KAZN: variants seen among roughly 807,000 people sequenced by gnomAD.
The protein encoded by KAZN is kazrin, periplakin interacting protein.
Under a neutral mutation model 87.4 loss-of-function variants are expected in KAZN, and 40 were observed. The ratio of observed to expected loss-of-function variants is 0.46; its 90% CI spans 0.36 to 0.60. KAZN has a LOEUF of 0.60. Ranked by LOEUF, KAZN falls within the 20% of genes least tolerant of loss-of-function variation. The pLI is 0.00. For synonymous variants in KAZN, 466 were observed against 458.3 expected (o/e 1.02, Z -0.22); for missense variants, 898 against 1,073.9 (o/e 0.84, Z 2.29).
intron 1 of KAZN, among the ~76,000 whole-genome samples, chr1:14,148,446 T>C (rs987300961): frequency 6.6e-6 from 1 of 152,218 alleles, no homozygotes. Flanking sequence ...TTTTTTATTT[T>C]GGTAATAGTA....
At chr1:14,587,665 G>A (rs961077591) in intron 2 of KAZN, among the ~76,000 whole-genome samples, 5 of 151,868 alleles carry the variant, frequency 3.3e-5, no homozygotes, top group Non-Finnish European at 7.4e-5. Flanking sequence ...ACCAGATCTC[G>A]TGTGAACTAA....
chr1:14,247,885 CAT>C (rs1291099166), intron 2 of KAZN, among the ~76,000 whole-genome samples: 1 of 152,010 alleles, frequency 6.6e-6, no homozygotes, highest in East Asian at 1.9e-4. Flanking sequence ...ACATCTGGCT[CAT>C]GTGTGTGGGA....
intron 1 of KAZN, among the ~76,000 whole-genome samples, chr1:13,954,615 C>T (rs1054436375): frequency 5.6e-5 from 6 of 106,366 alleles, no homozygotes; most frequent in East Asian, 2.7e-4. Context: ...AAAGCAGTGC[C>T]GTGCCATGTA....
intron 1 of KAZN, among the ~76,000 whole-genome samples, chr1:14,012,311 A>G (rs1412348652): frequency 1.3e-5 from 2 of 152,362 alleles, no homozygotes; most frequent in Non-Finnish European, 2.9e-5. Context: ...TGTGCAACTT[A>G]TAGCCATTGC....
chr1:14,283,808 G>A (rs1653032545), intron 2 of KAZN, among the ~76,000 whole-genome samples: 2 of 152,100 alleles, frequency 1.3e-5, no homozygotes, highest in African/African-American at 4.8e-5. Context: ...GTATAAAAAT[G>A]TTTATAGCAG....
intron 8 of KAZN, among the ~76,000 whole-genome samples, chr1:15,087,295 CAAT>C (rs1055067671): frequency 2.6e-5 from 4 of 151,274 alleles, no homozygotes; most frequent in Non-Finnish European, 5.9e-5. Context: ...AAAATATGAT[CAAT>C]ATGTTATCAA....
chr1:14,919,294 A>C (rs1204265611), intron 1 of KAZN, among the ~76,000 whole-genome samples: 8 of 152,204 alleles, frequency 5.3e-5, no homozygotes. Context: ...CTCCTGCCTC[A>C]GCCTCCTGAG....
chr1:13,917,044 A>G (rs1199488176), intron 1 of KAZN, among the ~76,000 whole-genome samples: 1 of 152,180 alleles, frequency 6.6e-6, no homozygotes, highest in Non-Finnish European at 1.5e-5. Context: ...GTATGCCAAG[A>G]TAGCCAGGCT....
At chr1:14,363,943 C>T (rs1659737784) in intron 2 of KAZN, among the ~76,000 whole-genome samples, 2 of 150,096 alleles carry the variant, frequency 1.3e-5, no homozygotes, top group African/African-American at 4.9e-5. Flanking sequence ...AAATGCATGC[C>T]TTATCAGAGC....
intron 2 of KAZN, among the ~76,000 whole-genome samples, chr1:14,291,954 G>A (rs1653732150): frequency 6.6e-6 from 1 of 152,164 alleles, no homozygotes; most frequent in African/African-American, 2.4e-5. Context: ...GGCCTCCTCA[G>A]TCATGCAAAA....
chr1:14,667,844 A>C (rs932025331), intron 1 of KAZN, among the ~76,000 whole-genome samples: 1 of 152,080 alleles, frequency 6.6e-6, no homozygotes, highest in Non-Finnish European at 1.5e-5. Flanking sequence ...TTTCATTTTC[A>C]GATTAGATAC....
chr1:14,365,533 G>T (rs1403299489), intron 2 of KAZN, among the ~76,000 whole-genome samples: 1 of 152,138 alleles, frequency 6.6e-6, no homozygotes, highest in Middle Eastern at 3.2e-3. Flanking sequence ...ATCTTTTTGG[G>T]TAATGCAATT....
intron 2 of KAZN, among the ~76,000 whole-genome samples, chr1:14,458,776 G>A (rs1304110035): frequency 3.9e-5 from 6 of 152,178 alleles, no homozygotes; most frequent in African/African-American, 9.7e-5. Flanking sequence ...CAGAGACTCC[G>A]TGCCCATGAT....
rs537679664 is a variant in KAZN, at chr1:14,102,278, T to C, written c.92-78157T>C. On this transcript the variant is annotated intron_variant, in intron 1 of 16. Transcript: ENST00000636203. ...AGAGAAATCGCTAATCATGGTTAAC[T>C]TCTCTGTCTGGAGCTCCTGATAGAG... 3.9e-5 allele frequency among the ~76,000 whole-genome samples: 6 copies of C among 152,226 alleles called. No homozygotes were observed. The South Asian group carries it at 1.2e-3, about 32-fold the overall frequency.
In KAZN at chr1:14,726,124, T is replaced by A. The variant is rs574855131; in HGVS notation, c.226+126901T>A. Among the ~76,000 whole-genome samples the A allele has an allele frequency of 4.6e-5, 7 of 152,314 alleles. No individual in the cohort carries two copies. In the East Asian group the frequency reaches 1.4e-3, roughly 29 times the overall value. On this transcript the variant is annotated intron_variant, in intron 1 of 14. Transcript: ENST00000376030. The stretch of plus-strand genomic sequence containing the variant: ...CCTCATCTGGCACTGGCTCTGTGAA[T>A]GAGGCTTCAGATGCTTTGGTTCTGC...
intron 1 of KAZN, among the ~76,000 whole-genome samples, chr1:13,940,275 G>T (rs1263033508): frequency 1.4e-5 from 1 of 73,036 alleles, no homozygotes; most frequent in African/African-American, 5.0e-5. Flanking sequence ...GAGTTTTTCT[G>T]TTGGGAGATT....
intron 2 of KAZN, among the ~76,000 whole-genome samples, chr1:14,421,056 A>G (rs1034237717): frequency 2.0e-5 from 3 of 152,230 alleles, no homozygotes; most frequent in Non-Finnish European, 2.9e-5. Context: ...GGAGAGCGAG[A>G]GAGGGCTGCC....
chr1:15,078,335 G>T (rs72639888), intron 8 of KAZN, among the ~76,000 whole-genome samples: 16,051 of 151,994 alleles, frequency 0.11, 1,483 homozygotes, highest in East Asian at 0.54. Flanking sequence ...AACCTAGGAA[G>T]CGGATGTTGC....
At chr1:14,492,820 C>T (rs550189949) in intron 2 of KAZN, among the ~76,000 whole-genome samples, 309 of 94,554 alleles carry the variant, frequency 3.3e-3, no homozygotes, top group Non-Finnish European at 3.9e-3. Flanking sequence ...ACACATATAC[C>T]GCCCATATAT....
Sources: gnomAD v4.1 joint callset for allele counts (sites outside exome capture counted in the v4.1 genomes callset) on GRCh38, gnomAD v4.1.1 for gene constraint, MANE v1.5 for transcripts, NCBI Gene and HGNC (gene_info 2026-07-23, HGNC 2026-07-21) for gene names.